Variants in DYRK1A observed in about 807,000 individuals in gnomAD.
DYRK1A encodes dual specificity tyrosine-phosphorylation-regulated kinase 1A.
In DYRK1A, 9 loss-of-function variants were observed where a neutral mutation model predicts 79.7. The ratio of observed to expected loss-of-function variants is 0.11; its 90% confidence interval spans 0.07 to 0.20. DYRK1A has a LOEUF of 0.20. Among genes scored for constraint, DYRK1A ranks in the 10% least tolerant of loss-of-function variants. DYRK1A has a pLI of 1.00. For synonymous variants in DYRK1A, 349 were observed against 329.7 expected, an observed-to-expected ratio of 1.06 and a Z score of -0.63; for missense variants, 622 against 956.0, an observed-to-expected ratio of 0.65 and a Z score of 4.61.
intron 1 of DYRK1A, among the ~76,000 whole-genome samples, chr21:37,390,812 C>T (rs1056373772): frequency 6.6e-5 from 10 of 152,158 alleles, no homozygotes; most frequent in South Asian, 2.1e-4. Context: ...TCAGGCAGTC[C>T]GCCTGCCTCA....
chr21:37,396,297 T>C (rs972275702), intron 1 of DYRK1A, among the ~76,000 whole-genome samples: 6 of 152,004 alleles, frequency 3.9e-5, no homozygotes, highest in Admixed American at 1.3e-4. Flanking sequence ...TTAAAGAAAA[T>C]TTTCAAAATG....
chr21:37,397,840 C>G (rs1006864616), intron 1 of DYRK1A, among the ~76,000 whole-genome samples: 3 of 152,022 alleles, frequency 2.0e-5, no homozygotes, highest in African/African-American at 7.3e-5. Context: ...CCCCAATCGC[C>G]TTACATGTGA....
At chr21:37,396,861 T>C (rs1361712975) in intron 1 of DYRK1A, among the ~76,000 whole-genome samples, 1 of 152,182 alleles carries the variant, frequency 6.6e-6, no homozygotes, top group Non-Finnish European at 1.5e-5. Flanking sequence ...TGAGCCACTC[T>C]AACAGTTCCA....
intron 1 of DYRK1A, among the ~76,000 whole-genome samples, chr21:37,382,515 T>C (rs1282401635): frequency 6.6e-6 from 1 of 152,214 alleles, no homozygotes; most frequent in Non-Finnish European, 1.5e-5. Context: ...AACTACTTGT[T>C]GCTTTATTTC....
intron 2 of DYRK1A, among the ~76,000 whole-genome samples, chr21:37,431,866 TA>T (rs528315861): frequency 4.4e-4 from 67 of 152,316 alleles, no homozygotes; most frequent in African/African-American, 1.5e-3. Context: ...AACCAGTTTT[TA>T]AACCCTAAAG....
At chr21:37,420,483 G>T in intron 2 of DYRK1A, 99 bp downstream of exon 2, 1 of 1,251,170 alleles carries the variant, frequency 8.0e-7, no homozygotes, top group East Asian at 2.4e-5. Flanking sequence ...ATAGCAGTTA[G>T]TGGGGGGAAT....
chr21:37,373,977 A>G (rs1008696701), intron 1 of DYRK1A, among the ~76,000 whole-genome samples: 1 of 152,208 alleles, frequency 6.6e-6, no homozygotes, highest in South Asian at 2.1e-4. Flanking sequence ...TTTTTAAACT[A>G]TGGTATGTGA....
At chr21:37,500,377 C>T (rs1440649282) in intron 9 of DYRK1A, among the ~76,000 whole-genome samples, 1 of 152,134 alleles carries the variant, frequency 6.6e-6, no homozygotes, top group Non-Finnish European at 1.5e-5. Flanking sequence ...ATTTGCTAAT[C>T]TCTTGGTAAG....
chr21:37,380,497 G>A (rs2049634696), intron 1 of DYRK1A, among the ~76,000 whole-genome samples: 2 of 152,048 alleles, frequency 1.3e-5, no homozygotes, highest in African/African-American at 4.8e-5. Context: ...AAGGCCCACA[G>A]TTACTCAGCA....
intron 2 of DYRK1A, among the ~76,000 whole-genome samples, chr21:37,444,461 C>T (rs777941384): frequency 1.1e-4 from 16 of 152,166 alleles, no homozygotes; most frequent in Admixed American, 2.0e-4. Flanking sequence ...CTACTAAGTA[C>T]GGAAGCCTTC....
chr21:37,398,352 A>T (rs531660109), intron 1 of DYRK1A, among the ~76,000 whole-genome samples: 6 of 151,734 alleles, frequency 4.0e-5, no homozygotes, highest in African/African-American at 7.3e-5. Flanking sequence ...TTAAAAAAAA[A>T]AAAATAAAAG....
chr21:37,403,950 T>TA (rs889103372), intron 1 of DYRK1A, among the ~76,000 whole-genome samples: 34 of 152,236 alleles, frequency 2.2e-4, no homozygotes, highest in African/African-American at 8.2e-4. Context: ...CTGTCTAATA[T>TA]GGTGGACCAT....
At chr21:37,472,605 A>G (rs972368714) in intron 2 of DYRK1A, 79 bp from the exon 3 acceptor site, 121 of 1,242,276 alleles carry the variant, frequency 9.7e-5, no homozygotes, top group Admixed American at 3.3e-4. Flanking sequence ...GTTCTTATTT[A>G]AGGAACCATT....
At chr21:37,431,956 G>C (rs150684431) in intron 2 of DYRK1A, among the ~76,000 whole-genome samples, 1 of 152,008 alleles carries the variant, frequency 6.6e-6, no homozygotes, top group Admixed American at 6.5e-5. Context: ...GACACTTACT[G>C]TACTATTTTG....
intron 1 of DYRK1A, among the ~76,000 whole-genome samples, chr21:37,415,218 T>C (rs1695490142): frequency 6.6e-6 from 1 of 152,194 alleles, no homozygotes; most frequent in East Asian, 1.9e-4. Context: ...TTTAATCTGC[T>C]CAGCTTTTAG....
chr21:37,394,587 C>G (rs1018027233), intron 1 of DYRK1A, among the ~76,000 whole-genome samples: 1 of 152,134 alleles, frequency 6.6e-6, no homozygotes. Flanking sequence ...AGCTCTGCCT[C>G]CTGTCAGATC....
At position 37,488,401 on chromosome 21, in the gene DYRK1A, A is replaced by G. The variant is rs2052952489; in HGVS notation, c.638-1774A>G. On this transcript the variant is annotated intron_variant, in intron 6 of 11. Coordinates refer to ENST00000647188, the MANE Select transcript of DYRK1A (RefSeq NM_001347721.2). ...TATGATGTAAATTAGTTTTAAAGTG[A>G]TTGATGAGTCTGATTTATTCTGATG... 4 of 754,706 alleles carry G rather than the reference A, an allele frequency of 5.3e-6. No homozygotes were observed. The South Asian group carries it at 2.4e-4, about 46-fold the overall frequency. The allele number at this position is 754,706 out of a possible 1,614,324, so 46.8% of individuals were successfully genotyped here. A position where few individuals can be genotyped will look rare whatever the true frequency, so the allele number is the denominator to read the frequency against.
intron 2 of DYRK1A, among the ~76,000 whole-genome samples, chr21:37,439,470 CT>C (rs1373415152): frequency 2.6e-5 from 4 of 152,162 alleles, no homozygotes; most frequent in East Asian, 1.9e-4. Flanking sequence ...TCCCCAACCC[CT>C]GGTACTGTCT....
At chr21:37,438,681 C>T (rs1410535602) in intron 2 of DYRK1A, among the ~76,000 whole-genome samples, 1 of 152,172 alleles carries the variant, frequency 6.6e-6, no homozygotes. Flanking sequence ...TTCCATTAAT[C>T]TATTTGTCCT....
Sources: allele counts gnomAD v4.1 joint callset (sites outside exome capture counted in the v4.1 genomes callset), GRCh38; gene constraint gnomAD v4.1.1; transcripts MANE v1.5; gene names NCBI Gene and HGNC (gene_info 2026-07-23, HGNC 2026-07-21).